The following DLG2 variants were observed in gnomAD, a reference collection of about 807,000 sequenced individuals.
DLG2 encodes the protein disks large homolog 2.
In DLG2, 45 loss-of-function variants were observed where a neutral mutation model predicts 132.5. That is an observed-to-expected ratio of 0.34 (90% confidence interval 0.27 to 0.44). The LOEUF (loss-of-function observed/expected upper bound fraction) is 0.44. DLG2 is among the 20% of genes least tolerant of loss of function. DLG2 has a pLI of 1.00. For synonymous variants in DLG2, 424 were observed against 419.6 expected (o/e 1.01, Z -0.13); for missense variants, 1,045 against 1,196.9 (o/e 0.87, Z 1.87).
chr11:84,866,475 G>A (rs112015263), intron 6 of DLG2, among the ~76,000 whole-genome samples: 2 of 152,174 alleles, frequency 1.3e-5, no homozygotes, highest in Non-Finnish European at 2.9e-5. Context: ...AAGAATCAGA[G>A]TGCGAGGAGG....
chr11:84,527,919 C>CTCTG (rs1421688961), intron 7 of DLG2, among the ~76,000 whole-genome samples: 1 of 151,744 alleles, frequency 6.6e-6, no homozygotes, highest in Non-Finnish European at 1.5e-5. Context: ...CTCTCTCTCT[C>CTCTG]TCTCTCTCTC....
intron 7 of DLG2, among the ~76,000 whole-genome samples, chr11:84,312,402 G>A (rs952236771): frequency 3.3e-5 from 5 of 152,142 alleles, no homozygotes; most frequent in East Asian, 1.9e-4. Flanking sequence ...TTGCTTGAAC[G>A]TGGACGGCAG....
At chr11:84,105,954 T>G (rs1440487975) in intron 9 of DLG2, among the ~76,000 whole-genome samples, 2 of 152,168 alleles carry the variant, frequency 1.3e-5, no homozygotes, top group African/African-American at 4.8e-5. Flanking sequence ...AACTATATGT[T>G]GTTTTCAAAT....
At chr11:83,543,675 T>C (rs1253457825) in intron 19 of DLG2, among the ~76,000 whole-genome samples, 1 of 152,160 alleles carries the variant, frequency 6.6e-6, no homozygotes, top group Non-Finnish European at 1.5e-5. Flanking sequence ...GTAATATATA[T>C]AAAGCATGTA....
intron 3 of DLG2, among the ~76,000 whole-genome samples, chr11:85,302,117 A>T (rs573098968): frequency 3.9e-5 from 6 of 152,174 alleles, no homozygotes; most frequent in Non-Finnish European, 8.8e-5. Context: ...TAGACTCAAT[A>T]GGATTCTGGA....
At chr11:84,814,636 A>G (rs1361138141) in intron 6 of DLG2, among the ~76,000 whole-genome samples, 5 of 151,990 alleles carry the variant, frequency 3.3e-5, no homozygotes, top group African/African-American at 1.2e-4. Context: ...TCATCTCTGA[A>G]TAGATGTTTA....
intron 18 of DLG2, among the ~76,000 whole-genome samples, chr11:83,721,958 G>C (rs1763786567): frequency 6.6e-6 from 1 of 152,276 alleles, no homozygotes; most frequent in East Asian, 1.9e-4. Flanking sequence ...TTAGAAAAAA[G>C]TGTGACAGTT....
chr11:83,498,672 G>GGA (rs2094282170), intron 21 of DLG2, among the ~76,000 whole-genome samples: 1 of 105,960 alleles, frequency 9.4e-6, no homozygotes, highest in Non-Finnish European at 2.0e-5. Context: ...CCTAAAGCAA[G>GGA]GAGAAAAAAA....
At chr11:84,931,699 T>A (rs757210289) in intron 6 of DLG2, among the ~76,000 whole-genome samples, 1 of 152,204 alleles carries the variant, frequency 6.6e-6, no homozygotes, top group Non-Finnish European at 1.5e-5. Flanking sequence ...TGTCTTCCAA[T>A]ATGGTTGAAC....
intron 11 of DLG2, among the ~76,000 whole-genome samples, chr11:84,051,087 C>G (rs2096366392): frequency 6.6e-6 from 1 of 151,908 alleles, no homozygotes; most frequent in Admixed American, 6.6e-5. Flanking sequence ...CCATCTCACA[C>G]CACTTAGAAT....
At chr11:84,108,347 G>A (rs1475382569) in intron 9 of DLG2, among the ~76,000 whole-genome samples, 2 of 152,124 alleles carry the variant, frequency 1.3e-5, no homozygotes, top group African/African-American at 4.8e-5. Context: ...AGCTGACACT[G>A]AAGTTTCCCA....
In DLG2 at chr11:84,832,913, T is replaced by C. The variant is rs894154317; in HGVS notation, c.357+278748A>G. The stretch of plus-strand genomic sequence containing the variant: ...CAGCAACTTCCACCAGCTTTTACTG[T>C]CTATATCCCAAAGTCTTATCTGTGC... On this transcript the variant is annotated intron_variant, in intron 6 of 27. Transcript: ENST00000376104. 3.3e-5 allele frequency among the ~76,000 whole-genome samples: 5 copies of C among 151,518 alleles called. No individual in the cohort carries two copies. In the Admixed American group the frequency reaches 3.3e-4, roughly 10 times the overall value.
chr11:85,623,193 A>C (rs2081841668), intron 2 of DLG2, among the ~76,000 whole-genome samples: 1 of 152,200 alleles, frequency 6.6e-6, no homozygotes, highest in Admixed American at 6.5e-5. Context: ...TATATATATT[A>C]TATCACTGAG....
chr11:83,507,281 A>C (rs1220394398), intron 21 of DLG2, among the ~76,000 whole-genome samples: 1 of 151,812 alleles, frequency 6.6e-6, no homozygotes. Context: ...CTAAGAAGCC[A>C]ATTCCAAAAA....
intron 10 of DLG2, among the ~76,000 whole-genome samples, chr11:84,083,514 G>T (rs1048281608): frequency 1.3e-5 from 2 of 152,176 alleles, no homozygotes; most frequent in Non-Finnish European, 2.9e-5. Context: ...GTGTTGGGAG[G>T]TCAGGCCTAA....
At chr11:85,340,470 C>G (rs182060639) in intron 3 of DLG2, among the ~76,000 whole-genome samples, 152 of 151,782 alleles carry the variant, frequency 1.0e-3, no homozygotes, top group African/African-American at 3.4e-3. Flanking sequence ...CAGGGAACAT[C>G]ACACACCAGG....
At chr11:84,420,891 A>C (rs2098948341) in intron 7 of DLG2, among the ~76,000 whole-genome samples, 1 of 151,016 alleles carries the variant, frequency 6.6e-6, no homozygotes, top group South Asian at 2.1e-4. Context: ...GATGGTCTCG[A>C]TCTCCTGACC....
At chr11:85,012,454 G>A (rs566386661) in intron 6 of DLG2, among the ~76,000 whole-genome samples, 1 of 151,980 alleles carries the variant, frequency 6.6e-6, no homozygotes, top group South Asian at 2.1e-4. Flanking sequence ...AACCTGGGAG[G>A]TAGAGGTTGC....
intron 6 of DLG2, among the ~76,000 whole-genome samples, chr11:84,830,842 T>C (rs1042050045): frequency 1.7e-4 from 26 of 151,436 alleles, no homozygotes; most frequent in African/African-American, 4.6e-4. Context: ...CTGGCCTCAC[T>C]TTAAAAATTA....
Sources: gnomAD v4.1 joint callset for allele counts (sites outside exome capture counted in the v4.1 genomes callset) on GRCh38, gnomAD v4.1.1 for gene constraint, MANE v1.5 for transcripts, NCBI Gene and HGNC (gene_info 2026-07-23, HGNC 2026-07-21) for gene names.